Variants in RBFOX1 observed in about 807,000 individuals in gnomAD.
The protein encoded by RBFOX1 is RNA binding protein fox-1 homolog 1.
A neutral mutation model predicts 57.7 loss-of-function variants in RBFOX1; 8 were observed. The ratio of observed to expected loss-of-function variants is 0.14; its 90% CI spans 0.08 to 0.25. RBFOX1 has a LOEUF of 0.25. Among genes scored for constraint, RBFOX1 ranks in the 10% least tolerant of loss-of-function variants. The pLI is 1.00. For synonymous variants in RBFOX1, 326 were observed against 222.4 expected, an observed-to-expected ratio of 1.47 and a Z score of -4.15; for missense variants, 611 against 548.5, an observed-to-expected ratio of 1.11 and a Z score of -1.14.
intron 4 of RBFOX1, among the ~76,000 whole-genome samples, chr16:7,070,297 T>C (rs2057056246): frequency 6.6e-6 from 1 of 152,208 alleles, no homozygotes; most frequent in Non-Finnish European, 1.5e-5. Flanking sequence ...GTTTCTTATT[T>C]GCAGGTTGCT....
intron 3 of RBFOX1, among the ~76,000 whole-genome samples, chr16:6,978,177 A>G (rs2087634972): frequency 6.6e-6 from 1 of 152,122 alleles, no homozygotes; most frequent in Admixed American, 6.5e-5. Flanking sequence ...AGTGGAGGTA[A>G]TTAGCCAGCC....
intron 1 of RBFOX1, among the ~76,000 whole-genome samples, chr16:5,294,563 C>T (rs140347194): frequency 6.6e-6 from 1 of 152,202 alleles, no homozygotes; most frequent in Admixed American, 6.5e-5. Flanking sequence ...ATCTCCAACT[C>T]TGACCTGCCA....
chr16:6,814,797 A>G (rs2089672920), intron 3 of RBFOX1, among the ~76,000 whole-genome samples: 1 of 152,090 alleles, frequency 6.6e-6, no homozygotes, highest in South Asian at 2.1e-4. Flanking sequence ...CAGCACATCA[A>G]GGGGTTTGGG....
chr16:7,077,543 G>A (rs2058500029), intron 4 of RBFOX1, among the ~76,000 whole-genome samples: 1 of 152,166 alleles, frequency 6.6e-6, no homozygotes, highest in South Asian at 2.1e-4. Flanking sequence ...GGTATTTGCA[G>A]CCTGTCATCA....
intron 1 of RBFOX1, among the ~76,000 whole-genome samples, chr16:6,204,628 T>C (rs191769770): frequency 3.9e-5 from 6 of 152,274 alleles, no homozygotes; most frequent in East Asian, 3.9e-4. Flanking sequence ...AGAGACTAAT[T>C]TGTAGGCACA....
chr16:6,561,025 C>T (rs925164798), intron 2 of RBFOX1, among the ~76,000 whole-genome samples: 2 of 152,218 alleles, frequency 1.3e-5, no homozygotes, highest in Admixed American at 6.5e-5. Flanking sequence ...ACGCACCCTC[C>T]AACCACAGGC....
At chr16:6,120,713 C>A (rs2096542722) in intron 1 of RBFOX1, among the ~76,000 whole-genome samples, 1 of 151,992 alleles carries the variant, frequency 6.6e-6, no homozygotes, top group African/African-American at 2.4e-5. Flanking sequence ...TATGTTCTTG[C>A]TTGTGGCTCT....
chr16:6,531,682 T>C (rs1262455979), intron 2 of RBFOX1, among the ~76,000 whole-genome samples: 2 of 152,182 alleles, frequency 1.3e-5, no homozygotes, highest in African/African-American at 4.8e-5. Flanking sequence ...CCTGCCTTTC[T>C]AGGAGATAGA....
intron 4 of RBFOX1, among the ~76,000 whole-genome samples, chr16:7,365,119 T>C (rs1015379969): frequency 1.3e-5 from 2 of 152,158 alleles, no homozygotes; most frequent in Non-Finnish European, 2.9e-5. Context: ...ATACAAACCA[T>C]ATACAACCTC....
At chr16:6,859,130 C>CGTATATATGT (rs1238966168) in intron 3 of RBFOX1, among the ~76,000 whole-genome samples, 4 of 82,482 alleles carry the variant, frequency 4.8e-5, no homozygotes, top group Admixed American at 2.8e-4. Context: ...TATATATATA[C>CGTATATATGT]ATATATATAC....
rs1261258568 is a variant in RBFOX1, at chr16:6,608,112, G to A, written c.-63-46491G>A. ...ATGTCTCATAGCACCTGAAACAACG[G>A]GTTCTCAAGAAATACTATTTCATTG... On this transcript the variant is annotated intron_variant, in intron 2 of 15. Transcript: ENST00000550418. 2.3e-4 allele frequency among the ~76,000 whole-genome samples: 35 copies of A among 151,900 alleles called. 1 individual carries two copies. The highest frequency in any genetic ancestry group is 1.5e-5 in the Non-Finnish European group (1 of 67,976).
chr16:5,482,615 C>T (rs943164172), intron 2 of RBFOX1, among the ~76,000 whole-genome samples: 7 of 152,248 alleles, frequency 4.6e-5, no homozygotes, highest in African/African-American at 7.2e-5. Context: ...GTTCTGAGGC[C>T]GCATTCAGGT....
At position 5,890,528 on chromosome 16, in the gene RBFOX1, C is replaced by G. The variant is rs573067273; in HGVS notation, c.351+23193C>G. 7.2e-5 allele frequency among the ~76,000 whole-genome samples: 11 copies of G among 151,964 alleles called. No individual in the cohort carries two copies. The East Asian group carries it at 2.1e-3, about 30-fold the overall frequency. On this transcript the variant is annotated intron_variant, in intron 4 of 19. Transcript: ENST00000641259. ...CCTGACCAACATGGTGAAATTTTGT[C>G]TCTACTGAAAATAGAAAAATTAGCT...
chr16:5,777,217 C>T (rs1003815799), intron 3 of RBFOX1, among the ~76,000 whole-genome samples: 1 of 152,156 alleles, frequency 6.6e-6, no homozygotes, highest in Non-Finnish European at 1.5e-5. Flanking sequence ...CTTGCCTTTT[C>T]CAGCTGCAAG....
intron 4 of RBFOX1, among the ~76,000 whole-genome samples, chr16:7,092,425 G>C (rs1360474004): frequency 2.6e-5 from 4 of 152,202 alleles, no homozygotes; most frequent in Admixed American, 6.5e-5. Context: ...TTACTGTTTT[G>C]TAACCTGCTT....
At chr16:6,385,361 A>G (rs78975175) in intron 2 of RBFOX1, among the ~76,000 whole-genome samples, 14,661 of 151,956 alleles carry the variant, frequency 0.096, 806 homozygotes, top group Middle Eastern at 0.2. Flanking sequence ...TTTTTGTTTT[A>G]TTTTATTTTA....
chr16:5,650,054 A>T (rs2049183943), intron 3 of RBFOX1, among the ~76,000 whole-genome samples: 1 of 152,192 alleles, frequency 6.6e-6, no homozygotes, highest in African/African-American at 2.4e-5. Flanking sequence ...TGGGCTGCTT[A>T]AGCAAACACA....
At chr16:5,409,051 T>G (rs994129948) in intron 1 of RBFOX1, among the ~76,000 whole-genome samples, 10 of 152,136 alleles carry the variant, frequency 6.6e-5, no homozygotes, top group African/African-American at 2.4e-4. Context: ...GCTGTTGGAA[T>G]TTCAGATGGA....
At chr16:6,461,152 G>A (rs1024902045) in intron 2 of RBFOX1, among the ~76,000 whole-genome samples, 2 of 152,104 alleles carry the variant, frequency 1.3e-5, no homozygotes, top group African/African-American at 4.8e-5. Flanking sequence ...AATGCATGCT[G>A]GGCTTAGTAC....
Sources: allele counts gnomAD v4.1 joint callset (sites outside exome capture counted in the v4.1 genomes callset), GRCh38; gene constraint gnomAD v4.1.1; transcripts MANE v1.5; gene names NCBI Gene and HGNC (gene_info 2026-07-23, HGNC 2026-07-21).